Variants in SLC30A9 observed in about 807,000 individuals in gnomAD.
SLC30A9 encodes the protein solute carrier family 30 member 9, also known as proton-coupled zinc antiporter SLC30A9, mitochondrial.
A neutral mutation model predicts 87.5 loss-of-function variants in SLC30A9; 58 were observed. The ratio of observed to expected loss-of-function variants is 0.66; its 90% CI spans 0.54 to 0.82. The LOEUF (loss-of-function observed/expected upper bound fraction) is 0.82. Ranked by LOEUF, SLC30A9 falls within the 40% of genes least tolerant of loss-of-function variation. The probability of loss-of-function intolerance (pLI) is 0.00; values close to 1 mark genes in which losing one functional copy is unlikely to be tolerated. For synonymous variants in SLC30A9, 234 were observed against 233.0 expected, an observed-to-expected ratio of 1.00 and a Z score of -0.04; for missense variants, 557 against 679.1, an observed-to-expected ratio of 0.82 and a Z score of 2.00.
intron 5 of SLC30A9, 54 bp from the exon 6 acceptor site, chr4:42,023,248 T>G: frequency 8.9e-7 from 1 of 1,121,002 alleles, no homozygotes; most frequent in Non-Finnish European, 1.4e-6. Context: ...TTAAATGTGA[T>G]GTCAATAAAG....
intron 1 of SLC30A9, among the ~76,000 whole-genome samples, chr4:41,993,943 G>A (rs1714573795): frequency 6.6e-6 from 1 of 152,152 alleles, no homozygotes; most frequent in South Asian, 2.1e-4. Context: ...GATCACCTGA[G>A]GTCAGGAGTT....
At chr4:42,068,683 A>G (rs1718187880) in intron 14 of SLC30A9, among the ~76,000 whole-genome samples, 1 of 152,178 alleles carries the variant, frequency 6.6e-6, no homozygotes, top group South Asian at 2.1e-4. Context: ...GCTCTTGTTC[A>G]TTTGTCTTTT....
intron 2 of SLC30A9, among the ~76,000 whole-genome samples, chr4:42,015,524 G>A (rs1023160871): frequency 3.9e-5 from 6 of 152,144 alleles, no homozygotes; most frequent in Non-Finnish European, 8.8e-5. Flanking sequence ...TGTGGAATTA[G>A]TTAATTTCTG....
intron 2 of SLC30A9, among the ~76,000 whole-genome samples, chr4:42,011,659 A>G (rs1382779054): frequency 6.6e-6 from 1 of 152,244 alleles, no homozygotes; most frequent in Non-Finnish European, 1.5e-5. Flanking sequence ...ACGAAAGCCA[A>G]TAGAATCAAT....
intron 6 of SLC30A9, among the ~76,000 whole-genome samples, chr4:42,033,972 A>G (rs1233038419): frequency 6.6e-6 from 1 of 152,154 alleles, no homozygotes; most frequent in African/African-American, 2.4e-5. Flanking sequence ...GTTTTTTGAT[A>G]TACCGTAATG....
At chr4:42,077,819 T>A (rs1366096824) in intron 16 of SLC30A9, among the ~76,000 whole-genome samples, 1 of 152,120 alleles carries the variant, frequency 6.6e-6, no homozygotes, top group Non-Finnish European at 1.5e-5. Context: ...GAAAAATCCT[T>A]CCATATCCCA....
At chr4:42,054,023 T>C (rs1717498931) in intron 9 of SLC30A9, among the ~76,000 whole-genome samples, 1 of 152,156 alleles carries the variant, frequency 6.6e-6, no homozygotes. Flanking sequence ...CATAGGAATA[T>C]ATGTTTCAAG....
chr4:42,079,403 CCTG>C (rs747473766), intron 17 of SLC30A9, among the ~76,000 whole-genome samples: 14 of 151,774 alleles, frequency 9.2e-5, no homozygotes, highest in Non-Finnish European at 1.9e-4. Flanking sequence ...AAGCAGTTCT[CCTG>C]CCTCTGCCTC....
chr4:42,075,614 ATG>A, intron 15 of SLC30A9, 41 bp from the exon 16 acceptor site: 1 of 1,529,146 alleles, frequency 6.5e-7, no homozygotes, highest in East Asian at 2.3e-5. Context: ...ATATATGTGT[ATG>A]TATGTATAAA....
intron 8 of SLC30A9, among the ~76,000 whole-genome samples, chr4:42,039,262 A>G (rs996728414): frequency 9.2e-5 from 14 of 151,966 alleles, no homozygotes; most frequent in African/African-American, 3.4e-4. Flanking sequence ...CATTCTCTGT[A>G]TATTTTTGAT....
intron 1 of SLC30A9, among the ~76,000 whole-genome samples, chr4:41,999,082 C>T (rs1043374364): frequency 1.3e-5 from 2 of 152,108 alleles, no homozygotes; most frequent in African/African-American, 2.4e-5. Flanking sequence ...CAAAATAGAA[C>T]AGTTTGAGCA....
intron 3 of SLC30A9, among the ~76,000 whole-genome samples, chr4:42,019,679 A>G (rs2153135170): frequency 6.6e-6 from 1 of 152,308 alleles, no homozygotes; most frequent in East Asian, 1.9e-4. Flanking sequence ...GGTTTTCACA[A>G]AAAAATAATT....
intron 5 of SLC30A9, 56 bp downstream of exon 5, chr4:42,022,986 A>G: frequency 2.0e-6 from 2 of 1,002,056 alleles, no homozygotes; most frequent in Non-Finnish European, 3.0e-6. Flanking sequence ...GATTAATAAA[A>G]ATACATTTTA....
intron 9 of SLC30A9, among the ~76,000 whole-genome samples, chr4:42,051,710 A>G (rs935742192): frequency 6.6e-6 from 1 of 152,172 alleles, no homozygotes; most frequent in African/African-American, 2.4e-5. Flanking sequence ...AAAGCCACAG[A>G]CAAAAAAGAT....
chr4:42,023,437 G>T, intron 6 of SLC30A9, 53 bp downstream of exon 6: 1 of 1,171,096 alleles, frequency 8.5e-7, no homozygotes, highest in South Asian at 1.2e-5. Flanking sequence ...TTGTAGATGA[G>T]AACTGTATCT....
intron 14 of SLC30A9, among the ~76,000 whole-genome samples, chr4:42,069,151 T>C (rs73812709): frequency 0.039 from 5,941 of 152,278 alleles, 152 homozygotes; most frequent in African/African-American, 0.046. Context: ...CATAAATTAC[T>C]AGCAAAATTT....
chr4:42,000,402 A>C (rs1213228077), intron 1 of SLC30A9, among the ~76,000 whole-genome samples: 2 of 152,058 alleles, frequency 1.3e-5, no homozygotes, highest in African/African-American at 4.8e-5. Context: ...TATTTTTGCT[A>C]GTAGGCAGCA....
intron 2 of SLC30A9, among the ~76,000 whole-genome samples, chr4:42,004,292 G>T (rs1715105783): frequency 6.6e-6 from 1 of 152,062 alleles, no homozygotes; most frequent in African/African-American, 2.4e-5. Flanking sequence ...AAGTAACTAG[G>T]TATGTATTTC....
chr4:42,080,354 T>A (rs1408843140), intron 17 of SLC30A9, among the ~76,000 whole-genome samples: 1 of 152,170 alleles, frequency 6.6e-6, no homozygotes, highest in Admixed American at 6.5e-5. Context: ...TTTGGTTTAT[T>A]ACAGGGAAAG....
Sources: allele counts gnomAD v4.1 joint callset (sites outside exome capture counted in the v4.1 genomes callset), GRCh38; gene constraint gnomAD v4.1.1; transcripts MANE v1.5; gene names NCBI Gene and HGNC (gene_info 2026-07-23, HGNC 2026-07-21).